Variants in TENM1 observed in about 807,000 individuals in gnomAD.
TENM1 encodes the protein teneurin transmembrane protein 1.
TENM1 carries 35 observed loss-of-function variants against 174.8 expected under a neutral mutation model. The ratio of observed to expected loss-of-function variants is 0.20; its 90% CI spans 0.15 to 0.27. The LOEUF is 0.27. Ranked by LOEUF, TENM1 falls within the 10% of genes least tolerant of loss-of-function variation. TENM1 has a pLI of 1.00. For missense variants in TENM1, 1,633 were observed against 2,130.1 expected, an observed-to-expected ratio of 0.77 and a Z score of 4.59; for synonymous variants, 781 against 798.7, an observed-to-expected ratio of 0.98 and a Z score of 0.37.
intron 26 of TENM1, 60 bp from the exon 30 acceptor site, chrX:124,405,326 A>G: frequency 9.9e-7 from 1 of 1,007,870 alleles, no homozygotes; most frequent in Non-Finnish European, 1.4e-6. Context: ...GGAAGCAGAA[A>G]AGAGACAGGT....
chrX:124,735,756 T>TA (rs963494727), intron 4 of TENM1, among the ~76,000 whole-genome samples: 86 of 110,605 alleles, frequency 7.8e-4, no homozygotes, highest in African/African-American at 2.1e-3. Context: ...CACAGAGCCT[T>TA]AAAAAAAAAT....
At chrX:124,546,735 T>C (rs184843441) in intron 15 of TENM1, 139 bp downstream of exon 18, 9 of 517,634 alleles carry the variant, frequency 1.7e-5, no homozygotes, top group African/African-American at 4.7e-5. Flanking sequence ...GTTTTGGCTT[T>C]CCAGAGAAGT....
At chrX:124,484,154 T>C (rs1340921110) in intron 21 of TENM1, among the ~76,000 whole-genome samples, 3 of 111,382 alleles carry the variant, frequency 2.7e-5, no homozygotes, top group African/African-American at 9.8e-5. Context: ...TGTCTGATTG[T>C]TTTTTCTTAC....
chrX:125,173,310 A>C, the TENM1 span, among the ~76,000 whole-genome samples: 4 of 111,599 alleles, frequency 3.6e-5, no homozygotes, highest in African/African-American at 9.7e-5. Flanking sequence ...GCCATGTGGA[A>C]AAATCTCAGC....
intron 11 of TENM1, among the ~76,000 whole-genome samples, chrX:124,579,538 G>A (rs2858411): frequency 0.24 from 26,216 of 110,820 alleles, 2,312 homozygotes; most frequent in South Asian, 0.39. Flanking sequence ...AGGCAGGGAT[G>A]ACCTTCTCCT....
At chrX:124,723,673 T>C (rs2053378756) in intron 4 of TENM1, among the ~76,000 whole-genome samples, 1 of 98,740 alleles carries the variant, frequency 1.0e-5, no homozygotes, top group Non-Finnish European at 2.0e-5. Context: ...TGATCTCAGC[T>C]CACTGCAACT....
chrX:124,709,071 T>C (rs2052981131), intron 4 of TENM1, among the ~76,000 whole-genome samples: 1 of 111,736 alleles, frequency 8.9e-6, no homozygotes, highest in Admixed American at 9.5e-5. Flanking sequence ...TTAGTAGGAG[T>C]AGAGCGGTGA....
At chrX:124,671,401 C>T (rs750809966) in intron 6 of TENM1, among the ~76,000 whole-genome samples, 7 of 111,364 alleles carry the variant, frequency 6.3e-5, no homozygotes, top group Admixed American at 9.6e-5. Flanking sequence ...TAGTTATATG[C>T]GAAATGCAAT....
intron 11 of TENM1, among the ~76,000 whole-genome samples, chrX:124,579,859 G>T (rs753714307): frequency 8.9e-6 from 1 of 111,999 alleles, no homozygotes; most frequent in Non-Finnish European, 1.9e-5. Flanking sequence ...AAAAGTATCT[G>T]AAATTTTCAG....
At chrX:124,793,639 C>T (rs762924732) in intron 3 of TENM1, among the ~76,000 whole-genome samples, 3 of 111,549 alleles carry the variant, frequency 2.7e-5, no homozygotes, top group Non-Finnish European at 5.7e-5. Flanking sequence ...TTAGAAATTA[C>T]GGAACTTCTC....
chrX:124,816,023 G>T (rs2055888396), intron 3 of TENM1, among the ~76,000 whole-genome samples: 1 of 111,485 alleles, frequency 9.0e-6, no homozygotes, highest in Non-Finnish European at 1.9e-5. Context: ...AAAGAATTGG[G>T]TTTGAAGTTT....
chrX:124,658,823 C>T (rs1179245341), intron 6 of TENM1, among the ~76,000 whole-genome samples: 2 of 111,981 alleles, frequency 1.8e-5, no homozygotes, highest in Admixed American at 9.5e-5. Flanking sequence ...AATGGCATTG[C>T]TAAAATCTTA....
intron 8 of TENM1, among the ~76,000 whole-genome samples, chrX:124,647,730 G>GGTGTGTGTGTGTGT (rs113751818): frequency 5.8e-5 from 6 of 103,894 alleles, no homozygotes; most frequent in African/African-American, 1.8e-4. Flanking sequence ...TTTTTTTTGT[G>GGTGTGTGTGTGTGT]GTGTGTGTGT....
chrX:125,159,606 T>C, the TENM1 span, among the ~76,000 whole-genome samples: 1 of 112,334 alleles, frequency 8.9e-6, no homozygotes, highest in Non-Finnish European at 1.9e-5. Context: ...CCTGAGTCAG[T>C]ACCTGAAAAT....
At chrX:125,155,455 G>A in the TENM1 span, among the ~76,000 whole-genome samples, 13 of 111,586 alleles carry the variant, frequency 1.2e-4, no homozygotes, top group African/African-American at 3.9e-4. Flanking sequence ...TGCCAGTCCC[G>A]TGCCGTGCGC....
intron 15 of TENM1, among the ~76,000 whole-genome samples, chrX:124,530,388 A>G (rs754294585): frequency 1.2e-4 from 13 of 110,091 alleles, no homozygotes; most frequent in African/African-American, 4.0e-4. Flanking sequence ...CTTGAGAGAG[A>G]GTCCTAGTTG....
chrX:125,020,010 T>C, the TENM1 span, among the ~76,000 whole-genome samples: 1 of 110,592 alleles, frequency 9.0e-6, no homozygotes, highest in Admixed American at 9.7e-5. Flanking sequence ...TTAGAGTTAA[T>C]GTTATGTATT....
chrX:124,650,396 T>C (rs952338559), intron 8 of TENM1, among the ~76,000 whole-genome samples: 1 of 110,586 alleles, frequency 9.0e-6, no homozygotes, highest in African/African-American at 3.3e-5. Flanking sequence ...AGAGCAAATA[T>C]GTTGTTGTAT....
intron 3 of TENM1, among the ~76,000 whole-genome samples, chrX:124,754,231 G>C (rs1048664199): frequency 2.7e-5 from 3 of 111,022 alleles, no homozygotes; most frequent in Non-Finnish European, 5.7e-5. Context: ...TGTATGTGTC[G>C]AGGAATTTAT....
Sources: gnomAD v4.1 joint callset for allele counts (sites outside exome capture counted in the v4.1 genomes callset) on GRCh38, gnomAD v4.1.1 for gene constraint, MANE v1.5 for transcripts, NCBI Gene and HGNC (gene_info 2026-07-23, HGNC 2026-07-21) for gene names.